The following ADAMTSL1 variants were observed in gnomAD, a reference collection of about 807,000 sequenced individuals.
ADAMTSL1 encodes the protein ADAMTS like 1, also known as ADAMTS-like protein 1.
Under a neutral mutation model 201.8 loss-of-function variants are expected in ADAMTSL1, and 126 were observed. The observed-to-expected ratio is 0.62, with a 90% CI of 0.54 to 0.72. ADAMTSL1 has a LOEUF of 0.72. ADAMTSL1 is among the 30% of genes least tolerant of loss of function. ADAMTSL1 has a pLI of 0.00. For missense variants in ADAMTSL1, 2,679 were observed against 2,277.8 expected, an observed-to-expected ratio of 1.18 and a Z score of -3.59; for synonymous variants, 1,121 against 903.4, an observed-to-expected ratio of 1.24 and a Z score of -4.32.
At chr9:18,214,210 A>T (rs1359998047) in intron 2 of ADAMTSL1, among the ~76,000 whole-genome samples, 1 of 152,182 alleles carries the variant, frequency 6.6e-6, no homozygotes, top group East Asian at 1.9e-4. Context: ...ATAAACCCAG[A>T]ATTACATTTA....
At chr9:18,196,129 G>T (rs945154738) in intron 2 of ADAMTSL1, among the ~76,000 whole-genome samples, 21 of 152,028 alleles carry the variant, frequency 1.4e-4, no homozygotes, top group Admixed American at 1.2e-3. Flanking sequence ...ACTACATAGA[G>T]CTTCAGTTTG....
intron 2 of ADAMTSL1, among the ~76,000 whole-genome samples, chr9:18,358,190 A>G (rs1362900235): frequency 6.6e-6 from 1 of 152,222 alleles, no homozygotes; most frequent in Non-Finnish European, 1.5e-5. Flanking sequence ...TATATTAGGT[A>G]CATAACAGTG....
intron 2 of ADAMTSL1, among the ~76,000 whole-genome samples, chr9:18,232,228 G>A (rs373963074): frequency 6.6e-6 from 1 of 152,066 alleles, no homozygotes; most frequent in African/African-American, 2.4e-5. Context: ...TGCCTGCCTG[G>A]ATCCTTTATA....
intron 8 of ADAMTSL1, among the ~76,000 whole-genome samples, chr9:18,660,486 G>A (rs1829011276): frequency 6.6e-6 from 1 of 152,094 alleles, no homozygotes; most frequent in Non-Finnish European, 1.5e-5. Context: ...AAAGCAACAG[G>A]TTTAGGCTGA....
chr9:18,215,239 A>C (rs887927428), intron 2 of ADAMTSL1, among the ~76,000 whole-genome samples: 1 of 152,202 alleles, frequency 6.6e-6, no homozygotes, highest in African/African-American at 2.4e-5. Context: ...CAGTTCCAGT[A>C]GTTACTGCCT....
intron 2 of ADAMTSL1, among the ~76,000 whole-genome samples, chr9:18,386,789 C>G (rs938777443): frequency 2.0e-5 from 3 of 152,116 alleles, no homozygotes; most frequent in African/African-American, 7.2e-5. Context: ...CAAAGAATTT[C>G]TTTGCTGTTT....
In ADAMTSL1 at chr9:18,099,353, ATATTT is replaced by A. The variant is rs1335707020; in HGVS notation, c.88-64507_88-64503del. 3.1e-3 allele frequency among the ~76,000 whole-genome samples: 144 copies of A among 45,820 alleles called. 3 individuals are homozygous for A. Among genetic ancestry groups the A allele is most frequent in the Non-Finnish European group, 5.3e-3 (128 of 23,982 alleles). The allele number at this position is 45,820 out of a possible 152,430, so 30.1% of individuals were successfully genotyped here. ...TATATATATATATATATATATATAT[ATATTT>A]TTTTTTTTTTTTTTAACATCCATTA... On this transcript the variant is annotated intron_variant, in intron 1 of 29. Coordinates refer to the ADAMTSL1 transcript ENST00000680146.
At chr9:18,320,677 T>A (rs770381418) in intron 2 of ADAMTSL1, among the ~76,000 whole-genome samples, 1 of 152,148 alleles carries the variant, frequency 6.6e-6, no homozygotes, top group Admixed American at 6.5e-5. Context: ...GGTGTATAAA[T>A]GTATGGGAAA....
chr9:18,585,382 A>G (rs1008888223), intron 4 of ADAMTSL1, among the ~76,000 whole-genome samples: 1 of 152,180 alleles, frequency 6.6e-6, no homozygotes, highest in Admixed American at 6.5e-5. Flanking sequence ...AGCAAATCTA[A>G]AATAGAAAAC....
chr9:18,435,157 G>A (rs1819670584), intron 2 of ADAMTSL1, among the ~76,000 whole-genome samples: 1 of 152,174 alleles, frequency 6.6e-6, no homozygotes, highest in African/African-American at 2.4e-5. Flanking sequence ...TTTTTAGAAA[G>A]GCTTATTGCT....
Position 18,184,355 on chromosome 9 carries a change from G to C in ADAMTSL1, c.207+20374G>C, listed in dbSNP as rs797000034. 3.9e-5 allele frequency among the ~76,000 whole-genome samples: 6 copies of C among 152,168 alleles called. No individual in the cohort carries two copies. In the South Asian group the frequency reaches 1.0e-3, roughly 26 times the overall value. On this transcript the variant is annotated intron_variant, in intron 2 of 29. Transcript: ENST00000680146. ...GTTCCAGACTGGTGGCTGCAGTGAA[G>C]GAAATATCAATTTTTCTCAAGTTTA... is the stretch of plus-strand genomic sequence containing the variant.
At position 18,549,935 on chromosome 9, in the gene ADAMTSL1, A is replaced by G. The variant is rs117539308; in HGVS notation, c.237+16643A>G. Reference sequence around the variant, plus strand: ...CAGAATCAAAATCTTCAGTTTAACAAGATCTCCAGGTGACTCGTATGCACA... The same window carrying G: ...CAGAATCAAAATCTTCAGTTTAACAGGATCTCCAGGTGACTCGTATGCACA... On this transcript the variant is annotated intron_variant, in intron 3 of 28. Transcript: ENST00000380548. Among the ~76,000 whole-genome samples, 676 of 152,118 alleles carry G rather than the reference A, an allele frequency of 4.4e-3. 4 individuals carry two copies. Among genetic ancestry groups the G allele is most frequent in the Middle Eastern group, 0.017 (5 of 294 alleles).
At chr9:17,948,044 G>A (rs1827580353) in intron 1 of ADAMTSL1, among the ~76,000 whole-genome samples, 1 of 152,080 alleles carries the variant, frequency 6.6e-6, no homozygotes, top group Non-Finnish European at 1.5e-5. Context: ...ATGTCGACAA[G>A]CATTCTGTTT....
At chr9:18,832,915 C>G (rs1483121839) in intron 23 of ADAMTSL1, among the ~76,000 whole-genome samples, 1 of 152,168 alleles carries the variant, frequency 6.6e-6, no homozygotes, top group African/African-American at 2.4e-5. Context: ...TGTTTCCCAG[C>G]AGTAAGGGGG....
At chr9:18,366,609 G>T (rs1836778620) in intron 2 of ADAMTSL1, among the ~76,000 whole-genome samples, 1 of 139,576 alleles carries the variant, frequency 7.2e-6, no homozygotes, top group South Asian at 2.3e-4. Flanking sequence ...TAAATGGATA[G>T]TGCCTCTGAA....
intron 2 of ADAMTSL1, among the ~76,000 whole-genome samples, chr9:18,296,917 A>T (rs1027924248): frequency 6.6e-6 from 1 of 152,220 alleles, no homozygotes; most frequent in African/African-American, 2.4e-5. Flanking sequence ...AGGCTTAAAC[A>T]ATAGTTGCTG....
chr9:18,549,619 T>C (rs930536277), intron 3 of ADAMTSL1, among the ~76,000 whole-genome samples: 1 of 152,030 alleles, frequency 6.6e-6, no homozygotes, highest in African/African-American at 2.4e-5. Flanking sequence ...CTTTTCCTAA[T>C]GAGTGTCTGG....
intron 19 of ADAMTSL1, among the ~76,000 whole-genome samples, chr9:18,789,328 A>T (rs2133814472): frequency 6.6e-6 from 1 of 152,328 alleles, no homozygotes; most frequent in South Asian, 2.1e-4. Context: ...AGGTACTATC[A>T]TTCTCATTTT....
chr9:18,448,401 C>T (rs879475863), intron 2 of ADAMTSL1, among the ~76,000 whole-genome samples: 4 of 152,006 alleles, frequency 2.6e-5, no homozygotes, highest in Non-Finnish European at 5.9e-5. Flanking sequence ...AGATCAGGGC[C>T]AAATGTCACA....
Sources: gnomAD v4.1 joint callset for allele counts (sites outside exome capture counted in the v4.1 genomes callset) on GRCh38, gnomAD v4.1.1 for gene constraint, MANE v1.5 for transcripts, NCBI Gene and HGNC (gene_info 2026-07-23, HGNC 2026-07-21) for gene names.